The following TAFA1 variants were observed in gnomAD, a reference collection of about 807,000 sequenced individuals.
TAFA1 encodes TAFA chemokine like family member 1.
TAFA1 carries 4 observed loss-of-function variants against 18.5 expected under a neutral mutation model. The observed-to-expected ratio is 0.22, with a 90% CI of 0.11 to 0.49. The LOEUF is 0.49. TAFA1 is among the 20% of genes least tolerant of loss of function. TAFA1 has a pLI of 0.98. For synonymous variants in TAFA1, 56 were observed against 55.2 expected, an observed-to-expected ratio of 1.01 and a Z score of -0.06; for missense variants, 147 against 169.0, an observed-to-expected ratio of 0.87 and a Z score of 0.72.
intron 2 of TAFA1, among the ~76,000 whole-genome samples, chr3:68,122,926 C>T (rs1395482856): frequency 1.3e-5 from 2 of 151,230 alleles, no homozygotes; most frequent in African/African-American, 4.9e-5. Flanking sequence ...TTTACACACA[C>T]ACATACACCA....
At chr3:68,525,594 G>A (rs2073100439) in intron 3 of TAFA1, among the ~76,000 whole-genome samples, 1 of 152,164 alleles carries the variant, frequency 6.6e-6, no homozygotes, top group African/African-American at 2.4e-5. Flanking sequence ...AAGGTCAAAG[G>A]CATATTCCAG....
chr3:68,051,574 A>G (rs1193883009), intron 2 of TAFA1, among the ~76,000 whole-genome samples: 2 of 152,150 alleles, frequency 1.3e-5, no homozygotes, highest in Admixed American at 6.6e-5. Context: ...TGTACAATAA[A>G]GGCTTACCTG....
intron 2 of TAFA1, among the ~76,000 whole-genome samples, chr3:68,268,217 G>C (rs1361675186): frequency 6.6e-6 from 1 of 152,094 alleles, no homozygotes; most frequent in Non-Finnish European, 1.5e-5. Flanking sequence ...CAAAGTTTTG[G>C]CTCTGAGAGA....
At chr3:68,141,599 A>C (rs1405401780) in intron 2 of TAFA1, among the ~76,000 whole-genome samples, 1 of 152,132 alleles carries the variant, frequency 6.6e-6, no homozygotes, top group Non-Finnish European at 1.5e-5. Context: ...ACTAAATCCT[A>C]ATACCTATAC....
At chr3:68,315,054 G>T (rs2068585118) in intron 2 of TAFA1, among the ~76,000 whole-genome samples, 2 of 151,728 alleles carry the variant, frequency 1.3e-5, no homozygotes, top group Non-Finnish European at 2.9e-5. Context: ...ATAAGTAAAG[G>T]CTCATGGAAT....
At chr3:68,065,736 GTGTGTATATATATA>G (rs1484692923) in intron 2 of TAFA1, among the ~76,000 whole-genome samples, 1,441 of 135,546 alleles carry the variant, frequency 0.011, 34 homozygotes, top group African/African-American at 0.039. Flanking sequence ...GTATGTGTGT[GTGTGTATATATATA>G]TATATATATA....
chr3:68,521,986 G>A lies in TAFA1; in HGVS notation c.260-16770G>A, dbSNP rs141302728. On this transcript the variant is annotated intron_variant, in intron 3 of 4. Coordinates refer to ENST00000478136, the MANE Select transcript of TAFA1 (RefSeq NM_213609.4). ...TCAGCCTCCTGAGTAGCAACAACAGGAGCACACCACCGAGCCCAGCTAATT... is the reference window on the plus strand; with the variant it reads ...TCAGCCTCCTGAGTAGCAACAACAGAAGCACACCACCGAGCCCAGCTAATT... Among the ~76,000 whole-genome samples, 381 of 143,144 alleles carry A rather than the reference G, an allele frequency of 2.7e-3. 2 individuals are homozygous for A. The highest frequency in any genetic ancestry group is 9.1e-3 in the African/African-American group (354 of 38,830). The allele number at this position is 143,144 out of a possible 152,430, so 93.9% of individuals were successfully genotyped here.
At position 68,350,063 on chromosome 3, in the gene TAFA1, C is replaced by T. The variant is rs545176735; in HGVS notation, c.119-67217C>T. 1.8e-4 allele frequency among the ~76,000 whole-genome samples: 27 copies of T among 152,170 alleles called. No individual in the cohort carries two copies. In the South Asian group the frequency reaches 3.1e-3, roughly 18 times the overall value. On this transcript the variant is annotated intron_variant, in intron 2 of 4. Coordinates refer to ENST00000478136, the MANE Select transcript of TAFA1 (RefSeq NM_213609.4). ...CTGATTTAAGGGTTGTAAACTGAAC[C>T]GTGCATATGTATAGTTATTGCTATA...
chr3:68,440,829 C>T (rs1167714666), intron 3 of TAFA1, among the ~76,000 whole-genome samples: 8 of 152,206 alleles, frequency 5.3e-5, no homozygotes, highest in Admixed American at 3.9e-4. Context: ...GGTCAGTCAC[C>T]GCAGCCAACA....
chr3:68,234,597 C>T (rs2066906842), intron 2 of TAFA1, among the ~76,000 whole-genome samples: 1 of 152,176 alleles, frequency 6.6e-6, no homozygotes, highest in African/African-American at 2.4e-5. Flanking sequence ...GTTTCTGAGT[C>T]ATTCCCAAGT....
intron 2 of TAFA1, among the ~76,000 whole-genome samples, chr3:68,339,246 G>A (rs1351956348): frequency 6.6e-6 from 1 of 152,118 alleles, no homozygotes; most frequent in Non-Finnish European, 1.5e-5. Context: ...TCTGAGTGTG[G>A]CATTAAAAGA....
chr3:68,097,995 T>G (rs1034959879), intron 2 of TAFA1, among the ~76,000 whole-genome samples: 4 of 152,172 alleles, frequency 2.6e-5, no homozygotes, highest in Non-Finnish European at 5.9e-5. Context: ...AGCCTCAGGT[T>G]TCTCAATTGT....
chr3:68,281,690 T>C (rs1311795497), intron 2 of TAFA1, among the ~76,000 whole-genome samples: 1 of 152,072 alleles, frequency 6.6e-6, no homozygotes, highest in Non-Finnish European at 1.5e-5. Context: ...ACTCCCGACC[T>C]GAAGTGATCC....
intron 2 of TAFA1, among the ~76,000 whole-genome samples, chr3:68,327,550 A>G (rs2068796903): frequency 6.6e-6 from 1 of 152,150 alleles, no homozygotes; most frequent in Admixed American, 6.5e-5. Flanking sequence ...AACATCTCTA[A>G]GCTTCAATTC....
chr3:68,400,148 T>C (rs2070459695), intron 2 of TAFA1, among the ~76,000 whole-genome samples: 1 of 152,112 alleles, frequency 6.6e-6, no homozygotes, highest in Non-Finnish European at 1.5e-5. Context: ...CTCCTGGAGC[T>C]GTTGTTCATT....
At chr3:68,071,635 T>C (rs966353302) in intron 2 of TAFA1, among the ~76,000 whole-genome samples, 1 of 152,188 alleles carries the variant, frequency 6.6e-6, no homozygotes, top group Non-Finnish European at 1.5e-5. Flanking sequence ...TGTGCCTCAG[T>C]TCCCCCTCTG....
Position 68,157,738 on chromosome 3 carries a change from A to G in TAFA1, c.118+150994A>G, listed in dbSNP as rs541747886. 2.0e-5 allele frequency among the ~76,000 whole-genome samples: 3 copies of G among 152,162 alleles called. No individual in the cohort carries two copies. In the East Asian group the frequency reaches 5.8e-4, roughly 29 times the overall value. ...CAAATAGGGCTGGCTTCTTCAGTTT[A>G]TCTCCAAATAGCTCTGGCTACAAAT... On this transcript the variant is annotated intron_variant, in intron 2 of 4. Transcript: ENST00000478136.
chr3:68,505,455 A>G (rs1214445784), intron 3 of TAFA1, among the ~76,000 whole-genome samples: 1 of 152,154 alleles, frequency 6.6e-6, no homozygotes, highest in Non-Finnish European at 1.5e-5. Flanking sequence ...CAAATCTAGC[A>G]CTTAAAACAA....
chr3:68,179,250 G>T (rs996409737), intron 2 of TAFA1, among the ~76,000 whole-genome samples: 1 of 152,088 alleles, frequency 6.6e-6, no homozygotes, highest in African/African-American at 2.4e-5. Context: ...TAAAATTCTA[G>T]GACATATACC....
Sources: gnomAD v4.1 joint callset for allele counts (sites outside exome capture counted in the v4.1 genomes callset) on GRCh38, gnomAD v4.1.1 for gene constraint, MANE v1.5 for transcripts, NCBI Gene and HGNC (gene_info 2026-07-23, HGNC 2026-07-21) for gene names.